The following COL11A1 variants were observed in gnomAD, a reference collection of about 807,000 sequenced individuals.
COL11A1 encodes the protein collagen type XI alpha 1 chain.
Under a neutral mutation model 265.2 loss-of-function variants are expected in COL11A1, and 74 were observed. The ratio of observed to expected loss-of-function variants is 0.28; its 90% CI spans 0.23 to 0.34. COL11A1 has a LOEUF of 0.34. COL11A1 is among the 10% of genes least tolerant of loss of function. The pLI, the probability that COL11A1 is intolerant of heterozygous loss-of-function variation, is 1.00. For missense variants in COL11A1, 2,165 were observed against 2,263.6 expected (o/e 0.96, Z 0.88); for synonymous variants, 816 against 727.6 (o/e 1.12, Z -1.96).
intron 41 of COL11A1, among the ~76,000 whole-genome samples, chr1:102,958,624 T>C (rs1660599296): frequency 6.6e-6 from 1 of 152,198 alleles, no homozygotes; most frequent in Non-Finnish European, 1.5e-5. Context: ...TAAATGTGTA[T>C]GGTGTCTTCC....
intron 4 of COL11A1, among the ~76,000 whole-genome samples, chr1:103,060,898 T>C (rs1670625267): frequency 6.6e-6 from 1 of 152,072 alleles, no homozygotes; most frequent in Non-Finnish European, 1.5e-5. Context: ...GTGAATATTA[T>C]TCTAACTATA....
rs182893733 is a variant in COL11A1, at chr1:103,026,804, A to T, written c.781-472T>A. ...TCTTCCTAAGTATGAAAGGATTTTC[A>T]TATCTATTGAGAGACGGGAAAGAGG... On this transcript the variant is annotated intron_variant, in intron 5 of 66. Transcript: ENST00000370096. Among the ~76,000 whole-genome samples, 398 of 152,200 alleles carry T rather than the reference A, an allele frequency of 2.6e-3. 6 individuals carry two copies. Among genetic ancestry groups the T allele is most frequent in the African/African-American group, 9.2e-3 (383 of 41,558 alleles).
intron 17 of COL11A1, 51 bp downstream of exon 17, chr1:103,006,016 TC>T: frequency 3.1e-6 from 5 of 1,611,872 alleles, no homozygotes; most frequent in Non-Finnish European, 3.4e-6. Context: ...TATAAAATTT[TC>T]CAGAGTGAAC....
At chr1:102,998,038 T>C (rs1208364580) in intron 25 of COL11A1, among the ~76,000 whole-genome samples, 2 of 151,788 alleles carry the variant, frequency 1.3e-5, no homozygotes, top group South Asian at 2.1e-4. Flanking sequence ...CTGGAGCTAA[T>C]GGTTAAGGAG....
chr1:102,958,699 G>T (rs1453896113), intron 41 of COL11A1, among the ~76,000 whole-genome samples: 1 of 152,120 alleles, frequency 6.6e-6, no homozygotes, highest in East Asian at 1.9e-4. Flanking sequence ...TTGCATATTT[G>T]ATTTGCAAAT....
intron 1 of COL11A1, among the ~76,000 whole-genome samples, chr1:103,107,461 A>T (rs547266133): frequency 6.6e-6 from 1 of 151,884 alleles, no homozygotes; most frequent in East Asian, 1.9e-4. Context: ...ATAATCTGCC[A>T]ATTTTTGTCC....
chr1:102,996,996 T>TTA (rs1664692152), intron 26 of COL11A1, 84 bp downstream of exon 26: 16 of 1,105,134 alleles, frequency 1.4e-5, no homozygotes, highest in East Asian at 2.4e-5. Flanking sequence ...TGAACGTGAT[T>TTA]TATATATATG....
chr1:103,000,266 C>T (rs543426678), intron 24 of COL11A1, among the ~76,000 whole-genome samples: 1 of 151,938 alleles, frequency 6.6e-6, no homozygotes, highest in Non-Finnish European at 1.5e-5. Context: ...ACTCCCTGAT[C>T]TAAATATTAA....
intron 32 of COL11A1, 131 bp downstream of exon 32, chr1:102,979,251 T>C: frequency 8.2e-7 from 1 of 1,215,250 alleles, no homozygotes; most frequent in South Asian, 1.2e-5. Flanking sequence ...CTGCCCAGGC[T>C]GGCCTGGAAC....
At chr1:103,008,369 C>CAA (rs79750249) in intron 15 of COL11A1, 94 bp downstream of exon 15, 20 of 953,122 alleles carry the variant, frequency 2.1e-5, no homozygotes, top group African/African-American at 1.0e-4. Flanking sequence ...TACTCAGGAA[C>CAA]AAAAAAAAAA....
intron 4 of COL11A1, among the ~76,000 whole-genome samples, chr1:103,070,077 A>G (rs1175350227): frequency 6.6e-6 from 1 of 151,658 alleles, no homozygotes; most frequent in Non-Finnish European, 1.5e-5. Flanking sequence ...AACCAAACAA[A>G]CCAAAATGTA....
chr1:102,953,058 T>C (rs1660041978), intron 41 of COL11A1, among the ~76,000 whole-genome samples: 1 of 152,194 alleles, frequency 6.6e-6, no homozygotes, highest in Non-Finnish European at 1.5e-5. Flanking sequence ...ACATTGTGTA[T>C]ATACTTTTTT....
At chr1:103,014,441 G>C in intron 13 of COL11A1, 70 bp downstream of exon 13, 11 of 1,223,254 alleles carry the variant, frequency 9.0e-6, no homozygotes, top group Non-Finnish European at 1.3e-5. Flanking sequence ...AGCATCTTCC[G>C]TATGTACACA....
chr1:102,954,681 C>T (rs879702672), intron 41 of COL11A1, among the ~76,000 whole-genome samples: 2 of 151,890 alleles, frequency 1.3e-5, no homozygotes, highest in Non-Finnish European at 2.9e-5. Context: ...CCCGTTTCTA[C>T]GAAAAATACA....
At chr1:102,896,206 T>C (rs1652404167) in intron 57 of COL11A1, among the ~76,000 whole-genome samples, 1 of 69,500 alleles carries the variant, frequency 1.4e-5, no homozygotes, top group African/African-American at 4.8e-5. Context: ...ATGAAGAACT[T>C]AAAGCCAAAA....
intron 4 of COL11A1, among the ~76,000 whole-genome samples, chr1:103,074,338 A>G (rs945161206): frequency 1.5e-4 from 23 of 152,068 alleles, no homozygotes; most frequent in Non-Finnish European, 5.9e-5. Flanking sequence ...AACTACTAAG[A>G]GTTAAGCCGT....
intron 9 of COL11A1, among the ~76,000 whole-genome samples, chr1:103,019,817 C>A (rs1409350042): frequency 6.7e-6 from 1 of 148,744 alleles, no homozygotes. Context: ...CAATTCCCAC[C>A]TATGAGTGAG....
At chr1:102,947,970 T>C (rs1659490154) in intron 41 of COL11A1, among the ~76,000 whole-genome samples, 1 of 151,814 alleles carries the variant, frequency 6.6e-6, no homozygotes, top group African/African-American at 2.4e-5. Flanking sequence ...TTTTTCTTAA[T>C]AATTAACATA....
At chr1:102,904,855 C>T (rs1490203085) in intron 54 of COL11A1, among the ~76,000 whole-genome samples, 1 of 152,016 alleles carries the variant, frequency 6.6e-6, no homozygotes, top group Non-Finnish European at 1.5e-5. Context: ...TACCATTTGA[C>T]CCAGCCATCC....
Sources: gnomAD v4.1 joint callset for allele counts (sites outside exome capture counted in the v4.1 genomes callset) on GRCh38, gnomAD v4.1.1 for gene constraint, MANE v1.5 for transcripts, NCBI Gene and HGNC (gene_info 2026-07-23, HGNC 2026-07-21) for gene names.